Variants in OSMR observed in about 807,000 individuals in gnomAD.
The protein encoded by OSMR is oncostatin-M-specific receptor subunit beta.
A neutral mutation model predicts 99.9 loss-of-function variants in OSMR; 81 were observed. That is an observed-to-expected ratio of 0.81 (90% CI 0.68 to 0.97). The LOEUF (loss-of-function observed/expected upper bound fraction) is 0.97. OSMR is among the 50% of genes least tolerant of loss of function. The pLI is 0.00. For missense variants in OSMR, 1,099 were observed against 1,153.4 expected, an observed-to-expected ratio of 0.95 and a Z score of 0.68; for synonymous variants, 406 against 410.4, an observed-to-expected ratio of 0.99 and a Z score of 0.13.
In OSMR at chr5:38,878,442, G is replaced by A. The variant is rs1455044117; in HGVS notation, c.246+2069G>A. Among the ~76,000 whole-genome samples the A allele has an allele frequency of 4.6e-5, 7 of 152,222 alleles. No individual in the cohort carries two copies. In the South Asian group the frequency reaches 1.0e-3, roughly 23 times the overall value. ...CACTTGCAGCTGGACCAGAGGCACCGACCTGTCTCCTGGATGGTACTGGCC... is the reference window on the plus strand; with the variant it reads ...CACTTGCAGCTGGACCAGAGGCACCAACCTGTCTCCTGGATGGTACTGGCC... On this transcript the variant is annotated intron_variant, in intron 3 of 17. Transcript: ENST00000274276.
At chr5:38,927,744 G>A (rs1327836819) in intron 15 of OSMR, among the ~76,000 whole-genome samples, 1 of 152,130 alleles carries the variant, frequency 6.6e-6, no homozygotes, top group Non-Finnish European at 1.5e-5. Context: ...TCAGATACAC[G>A]TGGCTGTAAA....
chr5:38,943,210 G>A (rs1330761014), intron 1 of OSMR: 4 of 378,462 alleles, frequency 1.1e-5, no homozygotes, highest in Non-Finnish European at 1.4e-5. Flanking sequence ...TTGTAAAATT[G>A]AAGCATTCTT....
chr5:38,890,833 A>T (rs944560425), intron 7 of OSMR, among the ~76,000 whole-genome samples: 2 of 152,176 alleles, frequency 1.3e-5, no homozygotes, highest in African/African-American at 4.8e-5. Context: ...ACCGAGAAAA[A>T]CAAGCCTGGG....
chr5:38,882,320 A>T (rs1227622349), intron 4 of OSMR, among the ~76,000 whole-genome samples: 13 of 152,192 alleles, frequency 8.5e-5, no homozygotes, highest in Admixed American at 7.9e-4. Context: ...CACTCCTGTA[A>T]TCTCAGCACT....
intron 4 of OSMR, among the ~76,000 whole-genome samples, chr5:38,883,096 C>T (rs1743423166): frequency 2.0e-5 from 3 of 152,196 alleles, no homozygotes; most frequent in East Asian, 3.9e-4. Context: ...GGCGGATTGC[C>T]TGAGCTCAGG....
chr5:38,924,482 G>C lies in OSMR; in HGVS notation c.1931G>C (p.Ser644Thr). The C allele has an allele frequency of 1.2e-6, 2 of 1,614,060 alleles. No individual in the cohort carries two copies. The highest frequency in any genetic ancestry group is 1.7e-6 in the Non-Finnish European group (2 of 1,179,932). ...DTLTSHSFTL[S>T]WKDYSTESQP... ...TTGACATCCCACTCCTTCACTCTGA[G>C]TTGGAAAGATTACTCTACTGAATCT... is the stretch of plus-strand genomic sequence containing the variant. Residue 644 changes from serine to threonine, a missense_variant, in exon 14 of 18, where the codon AGT (serine) becomes ACT (threonine). Ser to Thr is a moderately conservative substitution (Grantham distance 58, BLOSUM62 1). Coordinates refer to ENST00000274276, the MANE Select transcript of OSMR (RefSeq NM_003999.3).
chr5:38,934,624 C>G lies in OSMR; in HGVS notation c.*1180C>G, dbSNP rs1206885614. On this transcript the variant is annotated 3_prime_UTR_variant, in exon 18 of 18. Transcript: ENST00000274276. ...CAAACAAACAGTTCTCCTGCCCCAG[C>G]CTCCAGAGCACCTAGGACTCCAGGT... is the stretch of plus-strand genomic sequence containing the variant. 1 of 151,998 alleles carries G rather than the reference C, an allele frequency of 6.6e-6. No homozygotes were observed. The highest frequency in any genetic ancestry group is 1.5e-5 in the Non-Finnish European group (1 of 68,016). 9.4% of individuals were successfully genotyped at this position (151,998 alleles called of 1,614,324 possible).
Position 38,903,890 on chromosome 5 carries a change from A to T in OSMR, c.1000A>T (p.Met334Leu), listed in dbSNP as rs757271777. The T allele has an allele frequency of 2.4e-5, 39 of 1,612,366 alleles. No homozygotes were observed. In the East Asian group the frequency reaches 4.0e-4, roughly 17 times the overall value. ...LFNLTHRVYL[M>L]NPFSVNFENV... The stretch of plus-strand genomic sequence containing the variant: ...TTTCTTTTTTTTGACAGTTTATTTA[A>T]TGAATCCTTTTAGTGTCAACTTTGA... Residue 334 changes from methionine (M) to leucine (L), a missense_variant, in exon 8 of 18, where the codon ATG becomes TTG. Coordinates refer to ENST00000274276, the MANE Select transcript of OSMR (RefSeq NM_003999.3).
At chr5:38,936,060 A>G (rs574862600), downstream of OSMR, among the ~76,000 whole-genome samples, 1 of 152,236 alleles carries the variant, frequency 6.6e-6, no homozygotes, top group Admixed American at 6.5e-5. Context: ...AGGAAGTGCT[A>G]TTCAGAAACT....
At chr5:38,939,112 T>G (rs578159724), downstream of OSMR, 1 of 233,088 alleles carries the variant, frequency 4.3e-6, no homozygotes, top group South Asian at 1.8e-4. Context: ...ACAATTTGGT[T>G]TTTATTGCTT....
intron 1 of OSMR, among the ~76,000 whole-genome samples, chr5:38,866,256 G>C (rs1289933087): frequency 1.3e-5 from 2 of 152,114 alleles, no homozygotes; most frequent in Non-Finnish European, 2.9e-5. Context: ...TGGTAGGTGG[G>C]GCAAGTTGAT....
At chr5:38,945,275 A>C, downstream of OSMR, 1 of 609,684 alleles carries the variant, frequency 1.6e-6, no homozygotes, top group Admixed American at 3.1e-5. Flanking sequence ...ACAGTGGAAA[A>C]GACCTAATCC....
rs185652169 is a variant in OSMR at position 38,852,770 on chromosome 5, G to A, written c.-14+6383G>A. 3.7e-3 allele frequency among the ~76,000 whole-genome samples: 384 copies of A among 105,034 alleles called. 1 individual carries two copies. The highest frequency in any genetic ancestry group is 0.013 in the African/African-American group (363 of 27,166). 68.9% of individuals were successfully genotyped at this position (105,034 alleles called of 152,430 possible). A position where few individuals can be genotyped will look rare whatever the true frequency, so the allele number is the denominator to read the frequency against. ...TTTTGAGACGGAGTCTCACTCTTTC[G>A]CCCAAGCTGGACTGCAGTGGCGCTA... is the stretch of plus-strand genomic sequence containing the variant. On this transcript the variant is annotated intron_variant, in intron 1 of 17. Coordinates refer to ENST00000274276, the MANE Select transcript of OSMR (RefSeq NM_003999.3).
chr5:38,847,944 A>AC (rs1312294404), intron 1 of OSMR, among the ~76,000 whole-genome samples: 1 of 152,028 alleles, frequency 6.6e-6, no homozygotes, highest in African/African-American at 2.4e-5. Context: ...TTCCCCCTCT[A>AC]CCCTTTTCTT....
chr5:38,867,798 C>G (rs949780438), intron 1 of OSMR, among the ~76,000 whole-genome samples: 7 of 152,168 alleles, frequency 4.6e-5, no homozygotes, highest in Non-Finnish European at 8.8e-5. Context: ...TGGAGATGCT[C>G]TCACCTCCAA....
chr5:38,932,591 T>C, intron 17 of OSMR, 56 bp downstream of exon 17: 1 of 1,578,700 alleles, frequency 6.3e-7, no homozygotes, highest in Non-Finnish European at 8.7e-7. Context: ...TAACCCAGAG[T>C]GGGGGCTGTC....
At chr5:38,896,559 G>A (rs1360025991) in intron 7 of OSMR, among the ~76,000 whole-genome samples, 1 of 152,016 alleles carries the variant, frequency 6.6e-6, no homozygotes, top group Non-Finnish European at 1.5e-5. Flanking sequence ...AAGTCTTTAA[G>A]TTTTAACAAA....
chr5:38,925,053 G>C (rs112213742), intron 14 of OSMR, 151 bp from the exon 15 acceptor site: 5 of 1,485,720 alleles, frequency 3.4e-6, no homozygotes, highest in Middle Eastern at 2.4e-4. Context: ...CCATGGTGAT[G>C]AAATTATGAT....
intron 13 of OSMR, among the ~76,000 whole-genome samples, chr5:38,923,919 C>A (rs982147294): frequency 6.6e-6 from 1 of 152,186 alleles, no homozygotes; most frequent in African/African-American, 2.4e-5. Flanking sequence ...AGTAAACATT[C>A]CTGGATTGTT....
Sources: gnomAD v4.1 joint callset for allele counts (sites outside exome capture counted in the v4.1 genomes callset) on GRCh38, gnomAD v4.1.1 for gene constraint, MANE v1.5 for transcripts, NCBI Gene and HGNC (gene_info 2026-07-23, HGNC 2026-07-21) for gene names.